The following DCLK2 variants were observed in gnomAD, a reference collection of about 807,000 sequenced individuals.
The protein encoded by DCLK2 is serine/threonine-protein kinase DCLK2.
DCLK2 carries 31 observed loss-of-function variants against 78.4 expected under a neutral mutation model. The observed-to-expected ratio is 0.40, with a 90% CI of 0.30 to 0.53. The LOEUF is 0.53. DCLK2 is among the 20% of genes least tolerant of loss of function. DCLK2 has a pLI of 0.61. For synonymous variants in DCLK2, 407 were observed against 374.9 expected, an observed-to-expected ratio of 1.09 and a Z score of -0.99; for missense variants, 872 against 973.7, an observed-to-expected ratio of 0.90 and a Z score of 1.39.
intron 2 of DCLK2, among the ~76,000 whole-genome samples, chr4:150,136,979 CTT>C (rs35729685): frequency 1.2e-5 from 1 of 82,402 alleles, no homozygotes; most frequent in Non-Finnish European, 2.2e-5. Context: ...TCTTCTTCTT[CTT>C]TTTTTTTTTT....
chr4:150,246,494 C>A (rs1247761793), intron 12 of DCLK2, among the ~76,000 whole-genome samples: 4 of 152,178 alleles, frequency 2.6e-5, no homozygotes, highest in South Asian at 2.1e-4. Context: ...GGTAGCAAAA[C>A]CCTGAAGGCT....
chr4:150,119,753 GAA>G (rs1031386875), intron 2 of DCLK2, among the ~76,000 whole-genome samples: 1 of 143,558 alleles, frequency 7.0e-6, no homozygotes. Context: ...TTAGCAGGGA[GAA>G]AAAAAAAAAG....
chr4:150,088,464 T>C (rs1729803071), intron 1 of DCLK2, among the ~76,000 whole-genome samples: 1 of 152,088 alleles, frequency 6.6e-6, no homozygotes, highest in Non-Finnish European at 1.5e-5. Context: ...TTTTTTCTTT[T>C]TTCTTTTTAA....
rs147133821 is a variant in DCLK2 at position 150,251,639 on chromosome 4, C to T, written c.2073+1955C>T. Among the ~76,000 whole-genome samples, 138 of 38,858 alleles carry T rather than the reference C, an allele frequency of 3.6e-3. 11 individuals carry two copies. Among genetic ancestry groups the T allele is most frequent in the African/African-American group, 0.022 (127 of 5,710 alleles). 25.5% of individuals were successfully genotyped at this position (38,858 alleles called of 152,430 possible). A position where few individuals can be genotyped will look rare whatever the true frequency, so the allele number is the denominator to read the frequency against. Reference sequence around the variant, plus strand: ...ACCCCACATACCTCCACACACCCCACACCCCCCGCCCCCACGAGCGTGCAG... The same window carrying T: ...ACCCCACATACCTCCACACACCCCATACCCCCCGCCCCCACGAGCGTGCAG... On this transcript the variant is annotated intron_variant, in intron 15 of 15. Transcript: ENST00000296550.
At chr4:150,129,164 T>A (rs1275296605) in intron 2 of DCLK2, among the ~76,000 whole-genome samples, 2 of 152,194 alleles carry the variant, frequency 1.3e-5, no homozygotes, top group Non-Finnish European at 2.9e-5. Context: ...ATATTTTATT[T>A]ATGAATGACT....
chr4:150,089,678 G>A (rs1729909895), intron 1 of DCLK2, among the ~76,000 whole-genome samples: 1 of 152,118 alleles, frequency 6.6e-6, no homozygotes, highest in African/African-American at 2.4e-5. Flanking sequence ...ATAAAATTAG[G>A]TATGCTTATG....
chr4:150,188,136 C>A (rs937107938), intron 2 of DCLK2, among the ~76,000 whole-genome samples: 2 of 152,116 alleles, frequency 1.3e-5, no homozygotes, highest in Non-Finnish European at 2.9e-5. Flanking sequence ...GCTGTCATTT[C>A]TTTGCCAGTA....
chr4:150,175,129 A>G (rs1177594640), intron 2 of DCLK2, among the ~76,000 whole-genome samples: 1 of 62,696 alleles, frequency 1.6e-5, no homozygotes, highest in Non-Finnish European at 3.0e-5. Flanking sequence ...TTTTATATAT[A>G]TATAATTTAT....
intron 5 of DCLK2, among the ~76,000 whole-genome samples, chr4:150,212,988 G>C (rs183610479): frequency 2.0e-5 from 3 of 152,322 alleles, no homozygotes; most frequent in Non-Finnish European, 4.4e-5. Flanking sequence ...TGGCATCCTA[G>C]AAATCAGTGA....
Position 150,247,609 on chromosome 4 carries a change from C to G in DCLK2, c.1785C>G (p.Asn595Lys), listed in dbSNP as rs746149168. ...TTCTTTGTCACTGGCTTAGTGAGAACAATCTCCAGGAAGATCTCTTCGACC... is the reference window on the plus strand; with the variant it reads ...TTCTTTGTCACTGGCTTAGTGAGAAGAATCTCCAGGAAGATCTCTTCGACC... ...LCGFPPFRSE[N>K]NLQEDLFDQI... The change falls in exon 13 of 16, where the codon AAC becomes AAG. Residue 595 changes from asparagine (N) to lysine (K), a missense_variant. By Grantham distance (94) the Asn-to-Lys change is moderately conservative. Transcript: ENST00000296550. 8 of 1,613,848 alleles carry G rather than the reference C, an allele frequency of 5.0e-6. No individual in the cohort carries two copies. The Admixed American group carries it at 1.2e-4, about 24-fold the overall frequency.
At chr4:150,208,728 T>G (rs1209000229) in intron 5 of DCLK2, among the ~76,000 whole-genome samples, 2 of 152,098 alleles carry the variant, frequency 1.3e-5, no homozygotes, top group Non-Finnish European at 2.9e-5. Flanking sequence ...GGGGAAAAGT[T>G]TGCTAATAGG....
intron 2 of DCLK2, among the ~76,000 whole-genome samples, chr4:150,119,038 T>C (rs1732322811): frequency 2.3e-5 from 1 of 43,186 alleles, no homozygotes; most frequent in South Asian, 3.5e-4. Context: ...AAAATAACAA[T>C]AATAATATAA....
intron 2 of DCLK2, among the ~76,000 whole-genome samples, chr4:150,122,761 TG>T (rs1449655483): frequency 6.6e-6 from 1 of 152,202 alleles, no homozygotes; most frequent in Non-Finnish European, 1.5e-5. Flanking sequence ...ATTAAAAAAT[TG>T]GTTGTTTAAT....
intron 8 of DCLK2, among the ~76,000 whole-genome samples, chr4:150,225,205 A>G (rs1741509598): frequency 6.6e-6 from 1 of 152,242 alleles, no homozygotes; most frequent in African/African-American, 2.4e-5. Flanking sequence ...GTTTGCCCGT[A>G]AGGGAGACTC....
At chr4:150,190,217 A>G (rs1379256105) in intron 2 of DCLK2, among the ~76,000 whole-genome samples, 1 of 129,952 alleles carries the variant, frequency 7.7e-6, no homozygotes, top group Non-Finnish European at 1.7e-5. Flanking sequence ...ATAGATAGAT[A>G]GATGGATAGA....
At chr4:150,220,056 G>A (rs1741065416) in intron 5 of DCLK2, among the ~76,000 whole-genome samples, 1 of 152,326 alleles carries the variant, frequency 6.6e-6, no homozygotes, top group South Asian at 2.1e-4. Context: ...TGAAGCCGGA[G>A]AAGGACTTGG....
intron 1 of DCLK2, among the ~76,000 whole-genome samples, chr4:150,097,998 A>C (rs1361104457): frequency 6.6e-6 from 1 of 152,188 alleles, no homozygotes; most frequent in Admixed American, 6.6e-5. Flanking sequence ...ACTTGTTCCA[A>C]TGAAGAAGAA....
intron 12 of DCLK2, 62 bp from the exon 13 acceptor site, chr4:150,247,541 A>G (rs1017245240): frequency 1.3e-6 from 2 of 1,487,720 alleles, no homozygotes; most frequent in African/African-American, 1.4e-5. Flanking sequence ...TCCTGTGGAC[A>G]TTTTGTTGAA....
At chr4:150,149,636 A>T (rs796814364) in intron 2 of DCLK2, among the ~76,000 whole-genome samples, 2 of 152,242 alleles carry the variant, frequency 1.3e-5, no homozygotes, top group African/African-American at 4.8e-5. Flanking sequence ...TTTTGTGAAG[A>T]CTAACTTAAG....
Sources: gnomAD v4.1 joint callset for allele counts (sites outside exome capture counted in the v4.1 genomes callset) on GRCh38, gnomAD v4.1.1 for gene constraint, MANE v1.5 for transcripts, NCBI Gene and HGNC (gene_info 2026-07-23, HGNC 2026-07-21) for gene names.